The following GALNT13 variants were observed in gnomAD, a reference collection of about 807,000 sequenced individuals.
GALNT13 encodes the protein UDP-GalNAc:polypeptide N-acetylgalactosaminyltransferase 13.
A neutral mutation model predicts 64.2 loss-of-function variants in GALNT13; 28 were observed. The ratio of observed to expected loss-of-function variants is 0.44; its 90% CI spans 0.32 to 0.60. GALNT13 has a LOEUF of 0.60. Among genes scored for constraint, GALNT13 ranks in the 20% least tolerant of loss-of-function variants. The pLI, the probability that GALNT13 is intolerant of heterozygous loss-of-function variation, is 0.05. For missense variants in GALNT13, 577 were observed against 669.8 expected (o/e 0.86, Z 1.53); for synonymous variants, 214 against 224.6 (o/e 0.95, Z 0.42).
chr2:154,225,815 C>T (rs1005953823), intron 4 of GALNT13, among the ~76,000 whole-genome samples: 4 of 151,912 alleles, frequency 2.6e-5, no homozygotes, highest in Admixed American at 1.3e-4. Flanking sequence ...GAAAGGGGTA[C>T]GATATAATGC....
chr2:154,410,972 G>A (rs1306770654), intron 11 of GALNT13, among the ~76,000 whole-genome samples: 3 of 151,866 alleles, frequency 2.0e-5, no homozygotes, highest in Non-Finnish European at 4.4e-5. Flanking sequence ...CTTGCTGGCA[G>A]TCCTATATCT....
At chr2:153,442,025 A>G in the GALNT13 span, among the ~76,000 whole-genome samples, 94,326 of 151,744 alleles carry the variant, frequency 0.62, 30,418 homozygotes, top group Non-Finnish European at 0.72. Flanking sequence ...GTCTTGTGCC[A>G]GTTTTCAAAG....
chr2:154,044,062 A>C (rs1023296927), intron 3 of GALNT13, among the ~76,000 whole-genome samples: 1 of 150,794 alleles, frequency 6.6e-6, no homozygotes, highest in Non-Finnish European at 1.5e-5. Context: ...ACAGAGTTAG[A>C]CTCTGTCTCA....
chr2:153,623,113 C>T, the GALNT13 span, among the ~76,000 whole-genome samples: 1 of 152,036 alleles, frequency 6.6e-6, no homozygotes, highest in East Asian at 1.9e-4. Flanking sequence ...GAAATAGACT[C>T]CTGAGACAGA....
At chr2:154,421,610 A>AGATT (rs33937835) in intron 11 of GALNT13, among the ~76,000 whole-genome samples, 20 of 151,842 alleles carry the variant, frequency 1.3e-4, no homozygotes, top group African/African-American at 4.4e-4. Flanking sequence ...ATTTTTTTCC[A>AGATT]AATCTATTCT....
At chr2:154,269,307 T>C (rs1691193754) in intron 8 of GALNT13, among the ~76,000 whole-genome samples, 1 of 152,130 alleles carries the variant, frequency 6.6e-6, no homozygotes, top group South Asian at 2.1e-4. Flanking sequence ...TAATAATTTA[T>C]TAGAAATCAT....
intron 8 of GALNT13, among the ~76,000 whole-genome samples, chr2:154,267,887 A>G (rs543981691): frequency 8.5e-4 from 129 of 152,338 alleles, no homozygotes; most frequent in African/African-American, 3.1e-3. Flanking sequence ...GCAATTGAGT[A>G]AATCCTCAGC....
the GALNT13 span, among the ~76,000 whole-genome samples, chr2:153,279,390 T>C: frequency 6.6e-6 from 1 of 152,120 alleles, no homozygotes; most frequent in African/African-American, 2.4e-5. Flanking sequence ...CTTGGTCCTG[T>C]ACTATATTGA....
rs759538738 is a variant in GALNT13 at position 154,245,817 on chromosome 2, C to T, written c.692C>T (p.Thr231Met). The T allele has an allele frequency of 3.5e-5, 55 of 1,586,428 alleles. No individual in the cohort carries two copies. Among genetic ancestry groups the T allele is most frequent in the East Asian group, 4.5e-5 (2 of 44,274 alleles). Residue 231 changes from threonine (T) to methionine (M), a missense_variant, in exon 7 of 13, where the codon ACG becomes ATG. Coordinates refer to ENST00000392825, the MANE Select transcript of GALNT13 (RefSeq NM_052917.4). ...TGGTTTTAATTTCTCTGCAGGAAAA[C>T]GGTTGTCTGCCCTATCATTGATGTG... Reference protein sequence around the residue: ...LLARIKEDRKTVVCPIIDVIS... With the variant: ...LLARIKEDRKMVVCPIIDVIS...
intron 11 of GALNT13, among the ~76,000 whole-genome samples, chr2:154,409,829 G>A (rs564494432): frequency 1.5e-3 from 229 of 152,012 alleles, no homozygotes; most frequent in Middle Eastern, 3.4e-3. Context: ...GAGTTAGTGT[G>A]AACCGAGGTT....
the GALNT13 span, among the ~76,000 whole-genome samples, chr2:153,371,604 T>A: frequency 6.6e-6 from 1 of 152,184 alleles, no homozygotes; most frequent in Non-Finnish European, 1.5e-5. Context: ...AACTATGTTG[T>A]ATCTGTATGA....
chr2:153,500,024 A>C, the GALNT13 span, among the ~76,000 whole-genome samples: 4 of 152,072 alleles, frequency 2.6e-5, no homozygotes, highest in South Asian at 2.1e-4. Flanking sequence ...TGCCTCCCCC[A>C]CTGCAGCTGG....
the GALNT13 span, among the ~76,000 whole-genome samples, chr2:153,350,756 C>T: frequency 1.3e-5 from 2 of 151,994 alleles, no homozygotes; most frequent in African/African-American, 4.8e-5. Flanking sequence ...GTATATCCAA[C>T]AAAAATGGTG....
At chr2:153,721,122 A>C in the GALNT13 span, among the ~76,000 whole-genome samples, 1 of 147,150 alleles carries the variant, frequency 6.8e-6, no homozygotes, top group Non-Finnish European at 1.5e-5. Context: ...CTCGGCAGAA[A>C]CCCTACAAGC....
At chr2:154,431,041 G>A (rs1700688299) in intron 11 of GALNT13, among the ~76,000 whole-genome samples, 1 of 152,062 alleles carries the variant, frequency 6.6e-6, no homozygotes, top group Non-Finnish European at 1.5e-5. Context: ...TGCTTTAAAT[G>A]CGATACTTGT....
At chr2:154,426,383 A>G (rs1443736416) in intron 11 of GALNT13, among the ~76,000 whole-genome samples, 3 of 152,120 alleles carry the variant, frequency 2.0e-5, no homozygotes, top group African/African-American at 7.2e-5. Flanking sequence ...ATATAATGTA[A>G]TGTGATCTTG....
intron 3 of GALNT13, among the ~76,000 whole-genome samples, chr2:153,964,843 A>AT (rs1693218488): frequency 6.6e-6 from 1 of 152,126 alleles, no homozygotes; most frequent in African/African-American, 2.4e-5. Flanking sequence ...TATTATGGGC[A>AT]TTTTGTCTTT....
At position 154,273,957 on chromosome 2, in the gene GALNT13, A is replaced by G. The variant is rs185077662; in HGVS notation, c.975+14819A>G. Reference sequence around the variant, plus strand: ...CAAGTATTGTTATAATGGATCTAGTATAGATTAAATATATAAGAAGGTTTT... The same window carrying G: ...CAAGTATTGTTATAATGGATCTAGTGTAGATTAAATATATAAGAAGGTTTT... On this transcript the variant is annotated intron_variant, in intron 8 of 12. Transcript: ENST00000392825. Among the ~76,000 whole-genome samples, 974 of 152,244 alleles carry G rather than the reference A, an allele frequency of 6.4e-3. 4 individuals are homozygous for G. Among genetic ancestry groups the G allele is most frequent in the Admixed American group, 0.012 (185 of 15,274 alleles).
At chr2:153,181,567 T>A in the GALNT13 span, among the ~76,000 whole-genome samples, 168 of 149,162 alleles carry the variant, frequency 1.1e-3, no homozygotes, top group Non-Finnish European at 1.7e-3. Flanking sequence ...ATTAATTTTC[T>A]GTTTGGATGC....
Sources: gnomAD v4.1 joint callset for allele counts (sites outside exome capture counted in the v4.1 genomes callset) on GRCh38, gnomAD v4.1.1 for gene constraint, MANE v1.5 for transcripts, NCBI Gene and HGNC (gene_info 2026-07-23, HGNC 2026-07-21) for gene names.